ARHGEF28: variants seen among roughly 807,000 people sequenced by gnomAD.
ARHGEF28 encodes the protein Rho guanine nucleotide exchange factor 28.
In ARHGEF28, 152 loss-of-function variants were observed where a neutral mutation model predicts 206.6. The observed-to-expected ratio is 0.74, with a 90% CI of 0.64 to 0.84. ARHGEF28 has a LOEUF of 0.84. Ranked by LOEUF, ARHGEF28 falls within the 40% of genes least tolerant of loss-of-function variation. The probability of loss-of-function intolerance (pLI) is 0.00; values close to 1 mark genes in which losing one functional copy is unlikely to be tolerated. For missense variants in ARHGEF28, 2,028 were observed against 2,073.2 expected (o/e 0.98, Z 0.42); for synonymous variants, 763 against 776.4 (o/e 0.98, Z 0.29).
chr5:73,879,497 C>T (rs1189575966), intron 22 of ARHGEF28, among the ~76,000 whole-genome samples: 6 of 152,124 alleles, frequency 3.9e-5, no homozygotes, highest in Non-Finnish European at 7.4e-5. Flanking sequence ...GGAGGAGAGG[C>T]GCTCTGCTTT....
chr5:73,655,026 C>G (rs1196210385), intron 1 of ARHGEF28, among the ~76,000 whole-genome samples: 1 of 152,224 alleles, frequency 6.6e-6, no homozygotes, highest in Non-Finnish European at 1.5e-5. Context: ...GGAAAACTGT[C>G]TATTTGGATT....
At chr5:73,816,951 G>GTT (rs11375733) in intron 9 of ARHGEF28, among the ~76,000 whole-genome samples, 17 of 151,904 alleles carry the variant, frequency 1.1e-4, no homozygotes, top group East Asian at 3.9e-4. Context: ...CTGATTTTCT[G>GTT]TTTTTTTGTT....
rs115215551 is a variant in ARHGEF28 at position 73,795,290 on chromosome 5, A to G, written c.964-41A>G. ...AAAAATAAACATTAGTGTAGCATAT[A>G]TGTAATTTTTTAAAAATCCACCTGA... On this transcript the variant is annotated intron_variant, in intron 8 of 35. Transcript: ENST00000513042. 5,230 of 1,571,960 alleles carry G rather than the reference A, an allele frequency of 3.3e-3. 133 individuals carry two copies. The African/African-American group carries it at 0.062, about 19-fold the overall frequency.
chr5:73,868,346 A>G (rs1253633270), intron 20 of ARHGEF28, 119 bp downstream of exon 20: 26 of 1,293,480 alleles, frequency 2.0e-5, no homozygotes, highest in Non-Finnish European at 2.6e-5. Flanking sequence ...AGTCTGTTTC[A>G]GGGTGTCTCT....
At chr5:73,714,241 A>G (rs1183686498) in intron 2 of ARHGEF28, among the ~76,000 whole-genome samples, 2 of 152,222 alleles carry the variant, frequency 1.3e-5, no homozygotes, top group Non-Finnish European at 2.9e-5. Flanking sequence ...ACTGATAGGA[A>G]GTATGAGGGC....
intron 35 of ARHGEF28, among the ~76,000 whole-genome samples, chr5:73,936,111 G>A (rs887471117): frequency 1.3e-5 from 2 of 151,826 alleles, no homozygotes; most frequent in Non-Finnish European, 2.9e-5. Flanking sequence ...TATTCAGCAG[G>A]AAATTCAGAA....
intron 2 of ARHGEF28, among the ~76,000 whole-genome samples, chr5:73,686,231 G>A (rs1747460644): frequency 6.6e-6 from 1 of 152,066 alleles, no homozygotes; most frequent in Admixed American, 6.6e-5. Context: ...CTGGACTGAG[G>A]CTAAATTGTA....
chr5:73,729,419 G>T (rs949697129), intron 2 of ARHGEF28, among the ~76,000 whole-genome samples: 4 of 151,914 alleles, frequency 2.6e-5, no homozygotes, highest in East Asian at 1.9e-4. Flanking sequence ...GCTGCCTTAG[G>T]GGGAGCTGCA....
intron 9 of ARHGEF28, among the ~76,000 whole-genome samples, chr5:73,799,472 A>G (rs1755008499): frequency 6.6e-6 from 1 of 152,238 alleles, no homozygotes; most frequent in African/African-American, 2.4e-5. Flanking sequence ...CTGTGAAACC[A>G]TAATGCCAGT....
intron 1 of ARHGEF28, among the ~76,000 whole-genome samples, chr5:73,634,472 T>C (rs187191540): frequency 3.4e-4 from 52 of 152,338 alleles, no homozygotes; most frequent in African/African-American, 1.2e-3. Context: ...TTCTTCGAGG[T>C]CCTCATACAC....
intron 9 of ARHGEF28, among the ~76,000 whole-genome samples, chr5:73,795,714 G>A (rs78687021): frequency 0.018 from 2,692 of 152,294 alleles, 88 homozygotes; most frequent in African/African-American, 0.06. Context: ...TCAGGTTCAG[G>A]TGAAGCAGTT....
intron 29 of ARHGEF28, among the ~76,000 whole-genome samples, chr5:73,896,245 A>T (rs1314179303): frequency 2.0e-5 from 3 of 152,094 alleles, no homozygotes; most frequent in African/African-American, 7.2e-5. Context: ...CTTGGGGAGG[A>T]TCATCTTGGG....
intron 9 of ARHGEF28, among the ~76,000 whole-genome samples, chr5:73,811,088 CA>C (rs10706085): frequency 0.021 from 3,187 of 152,278 alleles, 107 homozygotes; most frequent in African/African-American, 0.073. Context: ...TTTTGCATTT[CA>C]AAGGATTCTT....
At chr5:73,839,322 C>G (rs1757843384) in intron 10 of ARHGEF28, among the ~76,000 whole-genome samples, 1 of 152,124 alleles carries the variant, frequency 6.6e-6, no homozygotes. Context: ...AGACTTTCAC[C>G]CATTAATTAA....
chr5:73,845,636 T>G (rs1226587482), intron 11 of ARHGEF28, among the ~76,000 whole-genome samples: 1 of 152,190 alleles, frequency 6.6e-6, no homozygotes, highest in Non-Finnish European at 1.5e-5. Context: ...AATAATTATA[T>G]TTACAAAACA....
intron 21 of ARHGEF28, among the ~76,000 whole-genome samples, chr5:73,870,949 G>C (rs770900640): frequency 2.6e-5 from 4 of 152,082 alleles, no homozygotes; most frequent in South Asian, 2.1e-4. Context: ...CAAAGTCCAC[G>C]GGCAGTGAGG....
chr5:73,858,233 T>A lies in ARHGEF28; in HGVS notation c.2047+14T>A. The A allele has an allele frequency of 6.4e-7, 1 of 1,562,220 alleles. No individual in the cohort carries two copies. Among genetic ancestry groups the A allele is most frequent in the Non-Finnish European group, 8.6e-7 (1 of 1,160,576 alleles). On this transcript the variant is annotated intron_variant, in intron 16 of 35. Coordinates refer to ENST00000513042, the MANE Select transcript of ARHGEF28 (RefSeq NM_001177693.2). The stretch of plus-strand genomic sequence containing the variant: ...TGCAGTGTTCTAGTAAGTTCTCAGG[T>A]CTATGTGCGCTGTCTTTGTTTTCAT...
chr5:73,884,781 A>AGG (rs58437639), intron 24 of ARHGEF28, among the ~76,000 whole-genome samples: 42,650 of 151,944 alleles, frequency 0.28, 7,184 homozygotes, highest in African/African-American at 0.47. Context: ...ACCAAATATC[A>AGG]ATGCTGCTCC....
intron 3 of ARHGEF28, 134 bp from the exon 4 acceptor site, chr5:73,752,775 C>A: frequency 2.0e-6 from 2 of 988,102 alleles, no homozygotes; most frequent in Non-Finnish European, 3.0e-6. Context: ...GGGTAATGGG[C>A]TGGCTTTCCT....
Sources: gnomAD v4.1 joint callset for allele counts (sites outside exome capture counted in the v4.1 genomes callset) on GRCh38, gnomAD v4.1.1 for gene constraint, MANE v1.5 for transcripts, NCBI Gene and HGNC (gene_info 2026-07-23, HGNC 2026-07-21) for gene names.